The following CCSER1 variants were observed in gnomAD, a reference collection of about 807,000 sequenced individuals.
CCSER1 encodes serine-rich coiled-coil domain-containing protein 1.
CCSER1 carries 41 observed loss-of-function variants against 82.0 expected under a neutral mutation model. That is an observed-to-expected ratio of 0.50 (90% CI 0.39 to 0.65). CCSER1 has a LOEUF of 0.65. CCSER1 is among the 30% of genes least tolerant of loss of function. The pLI, the probability that CCSER1 is intolerant of heterozygous loss-of-function variation, is 0.00. For missense variants in CCSER1, 1,119 were observed against 1,064.2 expected, an observed-to-expected ratio of 1.05 and a Z score of -0.72; for synonymous variants, 414 against 383.9, an observed-to-expected ratio of 1.08 and a Z score of -0.92.
At chr4:90,811,208 G>A (rs771643880) in intron 7 of CCSER1, among the ~76,000 whole-genome samples, 2 of 152,106 alleles carry the variant, frequency 1.3e-5, no homozygotes, top group Non-Finnish European at 2.9e-5. Flanking sequence ...ACGGGTAGAA[G>A]GCAATAAAAT....
intron 10 of CCSER1, among the ~76,000 whole-genome samples, chr4:91,279,062 T>A (rs72877062): frequency 0.068 from 10,297 of 152,080 alleles, 383 homozygotes; most frequent in East Asian, 0.12. Flanking sequence ...AGGTTTATTT[T>A]TTTTTTTTTC....
intron 7 of CCSER1, among the ~76,000 whole-genome samples, chr4:90,809,301 A>G (rs951176790): frequency 3.0e-5 from 4 of 133,034 alleles, no homozygotes; most frequent in Non-Finnish European, 4.9e-5. Context: ...CTTGGTGAAG[A>G]GCAAGATCAT....
Position 90,827,006 on chromosome 4 carries a change from G to A in CCSER1, c.2094+11161G>A, listed in dbSNP as rs577254393. On this transcript the variant is annotated intron_variant, in intron 8 of 10. Transcript: ENST00000509176. ...ATGTGAAACTGGAAATGAGCATCAA[G>A]CAGTTCAGACTTTATTTGATGGCCA... 9.9e-5 allele frequency among the ~76,000 whole-genome samples: 15 copies of A among 152,242 alleles called. No homozygotes were observed. The South Asian group carries it at 2.5e-3, about 25-fold the overall frequency.
At chr4:90,495,238 C>T (rs1233138909) in intron 5 of CCSER1, among the ~76,000 whole-genome samples, 2 of 152,040 alleles carry the variant, frequency 1.3e-5, no homozygotes, top group African/African-American at 4.8e-5. Flanking sequence ...TCCTCAAAAC[C>T]AACCTTGTTG....
chr4:91,587,017 A>C (rs578070985), intron 10 of CCSER1, among the ~76,000 whole-genome samples: 211 of 151,902 alleles, frequency 1.4e-3, no homozygotes, highest in African/African-American at 4.8e-3. Flanking sequence ...TAATAAACTT[A>C]GCATGGGAGA....
intron 10 of CCSER1, among the ~76,000 whole-genome samples, chr4:91,187,304 C>A (rs908021425): frequency 6.6e-6 from 1 of 152,192 alleles, no homozygotes; most frequent in African/African-American, 2.4e-5. Flanking sequence ...TGCTAGTTTT[C>A]TTACTGAATA....
intron 9 of CCSER1, among the ~76,000 whole-genome samples, chr4:91,070,019 C>G (rs1297793914): frequency 2.0e-5 from 3 of 149,068 alleles, no homozygotes; most frequent in Non-Finnish European, 3.0e-5. Flanking sequence ...TAGTCTTGCT[C>G]TGTCACCCAG....
intron 10 of CCSER1, among the ~76,000 whole-genome samples, chr4:91,410,743 TC>T (rs1169008918): frequency 2.0e-5 from 3 of 152,184 alleles, no homozygotes; most frequent in Non-Finnish European, 4.4e-5. Context: ...CTGGTCTATT[TC>T]CCTTGGTTTT....
intron 1 of CCSER1, among the ~76,000 whole-genome samples, chr4:90,227,042 C>A (rs77887339): frequency 0.012 from 1,901 of 152,274 alleles, 27 homozygotes; most frequent in African/African-American, 0.036. Context: ...TTTTTCCCCC[C>A]ACAAATGTCA....
chr4:90,645,488 A>G (rs1225993217), intron 6 of CCSER1, among the ~76,000 whole-genome samples: 2 of 152,188 alleles, frequency 1.3e-5, no homozygotes, highest in African/African-American at 4.8e-5. Flanking sequence ...CATTTTATCT[A>G]GATATGTAGG....
intron 10 of CCSER1, among the ~76,000 whole-genome samples, chr4:91,186,302 C>T (rs1322165949): frequency 6.6e-6 from 1 of 152,032 alleles, no homozygotes; most frequent in Non-Finnish European, 1.5e-5. Context: ...ACTCTCCTTC[C>T]TCCTCCTCAT....
intron 4 of CCSER1, among the ~76,000 whole-genome samples, chr4:90,410,754 A>C (rs1754638225): frequency 1.3e-5 from 2 of 152,216 alleles, no homozygotes; most frequent in African/African-American, 4.8e-5. Flanking sequence ...AGCTAGGAGA[A>C]GGCAAGAAAT....
chr4:91,320,367 A>C (rs757262779), intron 10 of CCSER1, among the ~76,000 whole-genome samples: 3 of 152,066 alleles, frequency 2.0e-5, no homozygotes, highest in Non-Finnish European at 4.4e-5. Flanking sequence ...AAAGGCGACT[A>C]CTGTATATGG....
At chr4:91,296,324 G>C (rs1445253264) in intron 10 of CCSER1, among the ~76,000 whole-genome samples, 3 of 151,054 alleles carry the variant, frequency 2.0e-5, no homozygotes, top group Non-Finnish European at 1.5e-5. Flanking sequence ...GGAGGGAGAA[G>C]AAGTTAGAAT....
At chr4:90,514,770 G>T (rs1469539284) in intron 5 of CCSER1, among the ~76,000 whole-genome samples, 1 of 151,512 alleles carries the variant, frequency 6.6e-6, no homozygotes, top group Non-Finnish European at 1.5e-5. Flanking sequence ...TAAAAAAAAA[G>T]AAAATATTTT....
intron 10 of CCSER1, among the ~76,000 whole-genome samples, chr4:91,425,083 T>G (rs1753894978): frequency 6.6e-6 from 1 of 152,144 alleles, no homozygotes; most frequent in Admixed American, 6.5e-5. Context: ...ATGGTTTATA[T>G]ATTTAAGAAA....
At chr4:91,567,411 G>A (rs1762942627) in intron 10 of CCSER1, among the ~76,000 whole-genome samples, 2 of 151,898 alleles carry the variant, frequency 1.3e-5, no homozygotes, top group Admixed American at 1.3e-4. Flanking sequence ...TTGGTCCAAT[G>A]TTGAATTCAG....
At chr4:90,918,580 GA>G (rs34411994) in intron 8 of CCSER1, among the ~76,000 whole-genome samples, 70,589 of 150,426 alleles carry the variant, frequency 0.47, 18,184 homozygotes, top group African/African-American at 0.7. Flanking sequence ...ACGTGCAAAT[GA>G]AAAAAACATG....
chr4:90,988,049 G>A (rs1441257272), intron 9 of CCSER1, among the ~76,000 whole-genome samples: 1 of 151,658 alleles, frequency 6.6e-6, no homozygotes, highest in Non-Finnish European at 1.5e-5. Context: ...AGGCATGGTG[G>A]CTCATGCCTG....
Sources: allele counts gnomAD v4.1 joint callset (sites outside exome capture counted in the v4.1 genomes callset), GRCh38; gene constraint gnomAD v4.1.1; transcripts MANE v1.5; gene names NCBI Gene and HGNC (gene_info 2026-07-23, HGNC 2026-07-21).